Variants in SRPK2 observed in about 807,000 individuals in gnomAD.
The protein encoded by SRPK2 is SRSF protein kinase 2.
A neutral mutation model predicts 90.8 loss-of-function variants in SRPK2; 21 were observed. That is an observed-to-expected ratio of 0.23 (90% confidence interval 0.16 to 0.33). SRPK2 has a LOEUF of 0.33. Among genes scored for constraint, SRPK2 ranks in the 10% least tolerant of loss-of-function variants. SRPK2 has a pLI of 1.00. For missense variants in SRPK2, 620 were observed against 869.0 expected, an observed-to-expected ratio of 0.71 and a Z score of 3.60; for synonymous variants, 288 against 311.1, an observed-to-expected ratio of 0.93 and a Z score of 0.78.
chr7:105,351,057 T>C lies in SRPK2; in HGVS notation c.71+37591A>G, dbSNP rs375434941. Among the ~76,000 whole-genome samples, 7 of 152,296 alleles carry C rather than the reference T, an allele frequency of 4.6e-5. No homozygotes were observed. In the East Asian group the frequency reaches 5.8e-4, roughly 13 times the overall value. On this transcript the variant is annotated intron_variant, in intron 2 of 15. Coordinates refer to ENST00000393651, the MANE Select transcript of SRPK2 (RefSeq NM_182692.3). ...AATGTGGGTATTATGAGGCAGGTCT[T>C]TAAGAGGTGACTGTGTCATGACGGT...
At chr7:105,387,705 A>T (rs752538093) in intron 2 of SRPK2, among the ~76,000 whole-genome samples, 1 of 152,232 alleles carries the variant, frequency 6.6e-6, no homozygotes, top group Non-Finnish European at 1.5e-5. Flanking sequence ...GATGCCACAC[A>T]GAGTATTCTT....
chr7:105,307,064 A>C (rs1811223591), intron 2 of SRPK2, among the ~76,000 whole-genome samples: 1 of 152,214 alleles, frequency 6.6e-6, no homozygotes, highest in Non-Finnish European at 1.5e-5. Flanking sequence ...GCAGCTCAAA[A>C]GGAAGATTTA....
intron 2 of SRPK2, among the ~76,000 whole-genome samples, chr7:105,321,371 TTAGAAGATAACA>T (rs1282272225): frequency 2.6e-5 from 4 of 152,202 alleles, no homozygotes; most frequent in African/African-American, 9.6e-5. Flanking sequence ...CATAAAACTC[TTAGAAGATAACA>T]TACAGGTAAA....
At chr7:105,375,823 C>T (rs1242267327) in intron 2 of SRPK2, among the ~76,000 whole-genome samples, 2 of 151,796 alleles carry the variant, frequency 1.3e-5, no homozygotes, top group Admixed American at 6.6e-5. Flanking sequence ...TATTCCAGAA[C>T]GGTATGGAGA....
chr7:105,324,730 T>C (rs1400153273), intron 2 of SRPK2, among the ~76,000 whole-genome samples: 1 of 151,976 alleles, frequency 6.6e-6, no homozygotes, highest in African/African-American at 2.4e-5. Context: ...CTACTAAAAA[T>C]ACAAAAATTA....
intron 3 of SRPK2, among the ~76,000 whole-genome samples, chr7:105,199,114 C>T (rs1795252245): frequency 6.6e-6 from 1 of 152,104 alleles, no homozygotes; most frequent in African/African-American, 2.4e-5. Flanking sequence ...ATAAGGGAAA[C>T]TTGTAAAGAT....
At chr7:105,262,999 T>C (rs1804524873) in intron 2 of SRPK2, among the ~76,000 whole-genome samples, 1 of 152,116 alleles carries the variant, frequency 6.6e-6, no homozygotes, top group Non-Finnish European at 1.5e-5. Context: ...AACAAATGCA[T>C]GCAAGCTTCA....
intron 2 of SRPK2, among the ~76,000 whole-genome samples, chr7:105,235,626 C>T (rs1800033314): frequency 6.6e-6 from 1 of 152,114 alleles, no homozygotes; most frequent in Non-Finnish European, 1.5e-5. Flanking sequence ...ATATCACAAT[C>T]ACTTATTGTT....
At chr7:105,223,456 C>A (rs1248311684) in intron 2 of SRPK2, among the ~76,000 whole-genome samples, 1 of 152,224 alleles carries the variant, frequency 6.6e-6, no homozygotes, top group Non-Finnish European at 1.5e-5. Context: ...TCTCCCATCT[C>A]AGCTCAACCT....
intron 6 of SRPK2, among the ~76,000 whole-genome samples, chr7:105,164,591 G>C (rs948999826): frequency 6.6e-6 from 1 of 152,180 alleles, no homozygotes; most frequent in Non-Finnish European, 1.5e-5. Context: ...GTTTACAAAA[G>C]TGTCTTGAAC....
Position 105,116,846 on chromosome 7 carries a change from G to A in SRPK2, c.*992C>T, listed in dbSNP as rs1799676873. The A allele has an allele frequency of 6.6e-6, 1 of 152,190 alleles. No homozygotes were observed. The highest frequency in any genetic ancestry group is 2.4e-5 in the African/African-American group (1 of 41,450). The allele number at this position is 152,190 out of a possible 1,614,324, so 9.4% of individuals were successfully genotyped here. ...AGCTGTGAGAAGTATTCTGCCCACTGCACTGCAAATTGTATATACCATACC... is the reference window on the plus strand; with the variant it reads ...AGCTGTGAGAAGTATTCTGCCCACTACACTGCAAATTGTATATACCATACC... On this transcript the variant is annotated 3_prime_UTR_variant, in exon 16 of 16. Coordinates refer to ENST00000393651, the MANE Select transcript of SRPK2 (RefSeq NM_182692.3).
In SRPK2 at chr7:105,249,731, A is replaced by G. The variant is rs1020010163; in HGVS notation, c.72-45946T>C. Among the ~76,000 whole-genome samples, 15 of 152,320 alleles carry G rather than the reference A, an allele frequency of 9.8e-5. No individual in the cohort carries two copies. The East Asian group carries it at 2.7e-3, about 27-fold the overall frequency. ...TTTTTCATTCCATTCATCATCCTAT[A>G]TATGTCTGGTCAAAATCAAGCAATA... On this transcript the variant is annotated intron_variant, in intron 2 of 15. Coordinates refer to ENST00000393651, the MANE Select transcript of SRPK2 (RefSeq NM_182692.3).
At chr7:105,160,017 CAAT>C (rs772112839) in intron 7 of SRPK2, among the ~76,000 whole-genome samples, 2 of 152,128 alleles carry the variant, frequency 1.3e-5, no homozygotes, top group African/African-American at 2.4e-5. Context: ...TCCAAGTACA[CAAT>C]AATGTTAACT....
At chr7:105,118,046 T>G in intron 15 of SRPK2, 24 bp from the exon 16 acceptor site, 1 of 1,607,298 alleles carries the variant, frequency 6.2e-7, no homozygotes, top group Non-Finnish European at 8.5e-7. Context: ...AACAGGCCAA[T>G]GTCAAGAAAG....
At chr7:105,145,783 A>AC (rs2129577394) in intron 8 of SRPK2, among the ~76,000 whole-genome samples, 1 of 152,314 alleles carries the variant, frequency 6.6e-6, no homozygotes, top group South Asian at 2.1e-4. Flanking sequence ...ACATGATTAA[A>AC]CCCCTACACC....
At chr7:105,229,682 A>AC (rs1799187235) in intron 2 of SRPK2, among the ~76,000 whole-genome samples, 1 of 152,208 alleles carries the variant, frequency 6.6e-6, no homozygotes, top group Non-Finnish European at 1.5e-5. Context: ...AGTCTTGGTT[A>AC]GACTATTCCT....
At chr7:105,287,105 C>CA (rs1469693637) in intron 2 of SRPK2, among the ~76,000 whole-genome samples, 1 of 150,352 alleles carries the variant, frequency 6.7e-6, no homozygotes, top group Non-Finnish European at 1.5e-5. Context: ...ACTAAAAATA[C>CA]AAAAAATTAG....
At chr7:105,310,913 T>G (rs1220704371) in intron 2 of SRPK2, among the ~76,000 whole-genome samples, 2 of 152,180 alleles carry the variant, frequency 1.3e-5, no homozygotes, top group African/African-American at 4.8e-5. Context: ...AAATCCACCC[T>G]TCCACAAATA....
intron 2 of SRPK2, among the ~76,000 whole-genome samples, chr7:105,345,100 C>A (rs1303684741): frequency 1.3e-5 from 2 of 150,606 alleles, no homozygotes; most frequent in African/African-American, 4.9e-5. Context: ...CGCACCATTG[C>A]ACTCCAGCCT....
Sources: allele counts gnomAD v4.1 joint callset (sites outside exome capture counted in the v4.1 genomes callset), GRCh38; gene constraint gnomAD v4.1.1; transcripts MANE v1.5; gene names NCBI Gene and HGNC (gene_info 2026-07-23, HGNC 2026-07-21).